PPP1R9A: variants seen among roughly 807,000 people sequenced by gnomAD.
PPP1R9A encodes protein phosphatase 1 regulatory subunit 9A.
A neutral mutation model predicts 141.9 loss-of-function variants in PPP1R9A; 59 were observed. The observed-to-expected ratio is 0.42, with a 90% CI of 0.34 to 0.52. The LOEUF (loss-of-function observed/expected upper bound fraction) is 0.52. Among genes scored for constraint, PPP1R9A ranks in the 20% least tolerant of loss-of-function variants. The probability of loss-of-function intolerance (pLI) is 0.10; values close to 1 mark genes in which losing one functional copy is unlikely to be tolerated. For synonymous variants in PPP1R9A, 500 were observed against 569.7 expected (o/e 0.88, Z 1.74); for missense variants, 1,444 against 1,611.9 (o/e 0.90, Z 1.78).
intron 2 of PPP1R9A, among the ~76,000 whole-genome samples, chr7:95,070,002 A>G (rs1813537191): frequency 6.6e-6 from 1 of 152,010 alleles, no homozygotes; most frequent in South Asian, 2.1e-4. Context: ...ATTCCCTTCT[A>G]TTTCTTATTG....
At chr7:94,999,695 G>C (rs1802619199) in intron 2 of PPP1R9A, among the ~76,000 whole-genome samples, 1 of 152,082 alleles carries the variant, frequency 6.6e-6, no homozygotes, top group African/African-American at 2.4e-5. Context: ...AGAAATTGTT[G>C]ATCGTGTGCA....
chr7:95,212,681 A>G (rs1316902013), intron 7 of PPP1R9A, among the ~76,000 whole-genome samples: 2 of 152,108 alleles, frequency 1.3e-5, no homozygotes, highest in East Asian at 1.9e-4. Context: ...TGGACAGTAG[A>G]ATTGCTCTAA....
rs553938412 is a variant in PPP1R9A at position 95,048,693 on chromosome 7, C to A, written c.1396-62566C>A. ...AAGTAGCTGGGATTACAGGTGCCTG[C>A]CACCACGCCGAGCTAATTTTTTGTA... On this transcript the variant is annotated intron_variant, in intron 2 of 19. Transcript: ENST00000433360. 6.6e-5 allele frequency among the ~76,000 whole-genome samples: 10 copies of A among 152,066 alleles called. No homozygotes were observed. In the South Asian group the frequency reaches 1.9e-3, roughly 29 times the overall value.
intron 2 of PPP1R9A, among the ~76,000 whole-genome samples, chr7:95,015,748 A>T (rs1805014179): frequency 6.6e-6 from 1 of 152,086 alleles, no homozygotes; most frequent in Non-Finnish European, 1.5e-5. Context: ...ACCAGTTAGG[A>T]TAAGTACAAA....
At position 94,934,742 on chromosome 7, in the gene PPP1R9A, C is replaced by T. The variant is rs139493807; in HGVS notation, c.1395+23234C>T. On this transcript the variant is annotated intron_variant, in intron 2 of 19. Coordinates refer to ENST00000433360, the MANE Select transcript of PPP1R9A (RefSeq NM_001166160.2). ...GTATACGTATATGTACACATATATA[C>T]GTCTATATACATATATATGTGTATA... is the stretch of plus-strand genomic sequence containing the variant. Among the ~76,000 whole-genome samples the T allele has an allele frequency of 7.9e-3, 1,194 of 151,350 alleles. 6 individuals carry two copies. The highest frequency in any genetic ancestry group is 0.014 in the Middle Eastern group (4 of 292).
intron 2 of PPP1R9A, among the ~76,000 whole-genome samples, chr7:95,106,528 A>G (rs773209689): frequency 3.3e-5 from 5 of 152,136 alleles, no homozygotes; most frequent in Admixed American, 2.0e-4. Flanking sequence ...ATTGAATTAC[A>G]TATTTGTATA....
At chr7:94,944,880 A>G (rs1795730609) in intron 2 of PPP1R9A, among the ~76,000 whole-genome samples, 2 of 152,062 alleles carry the variant, frequency 1.3e-5, no homozygotes, top group South Asian at 2.1e-4. Context: ...TTCTTAAACA[A>G]ATTTTGGATT....
chr7:95,011,855 CATT>C (rs1804464404), intron 2 of PPP1R9A, among the ~76,000 whole-genome samples: 1 of 152,126 alleles, frequency 6.6e-6, no homozygotes, highest in Non-Finnish European at 1.5e-5. Context: ...AGGAATTTAA[CATT>C]ATCACAGTGG....
At chr7:94,972,195 T>G (rs1055767005) in intron 2 of PPP1R9A, among the ~76,000 whole-genome samples, 3 of 152,236 alleles carry the variant, frequency 2.0e-5, no homozygotes, top group Non-Finnish European at 4.4e-5. Flanking sequence ...ACTGTACTTA[T>G]TACTGGTCTT....
intron 2 of PPP1R9A, among the ~76,000 whole-genome samples, chr7:94,944,226 A>G (rs922492225): frequency 1.3e-5 from 2 of 152,014 alleles, no homozygotes; most frequent in Non-Finnish European, 2.9e-5. Flanking sequence ...TAGTTTTCCA[A>G]GCTTATGTCT....
intron 2 of PPP1R9A, among the ~76,000 whole-genome samples, chr7:94,981,316 T>G (rs574898398): frequency 1.3e-5 from 2 of 152,296 alleles, no homozygotes; most frequent in South Asian, 2.1e-4. Context: ...CTCGGCTCAC[T>G]GCAACCTCTG....
At chr7:95,164,893 C>T (rs1052068329) in intron 5 of PPP1R9A, among the ~76,000 whole-genome samples, 1 of 151,808 alleles carries the variant, frequency 6.6e-6, no homozygotes, top group African/African-American at 2.4e-5. Flanking sequence ...ATATGGCATT[C>T]TAAAAGGAAC....
chr7:95,153,283 A>G (rs1204659419), intron 4 of PPP1R9A, among the ~76,000 whole-genome samples: 1 of 152,226 alleles, frequency 6.6e-6, no homozygotes, highest in Non-Finnish European at 1.5e-5. Context: ...TATGCTTGCT[A>G]TTCAAGATCT....
intron 2 of PPP1R9A, among the ~76,000 whole-genome samples, chr7:95,046,626 A>G (rs1474549640): frequency 1.3e-5 from 2 of 152,186 alleles, no homozygotes; most frequent in African/African-American, 4.8e-5. Context: ...AGAGGCCTGC[A>G]TGGGTAATAC....
chr7:95,071,081 A>G (rs896638261), intron 2 of PPP1R9A, among the ~76,000 whole-genome samples: 7 of 152,074 alleles, frequency 4.6e-5, no homozygotes, highest in Non-Finnish European at 1.0e-4. Flanking sequence ...AAAGATTGTC[A>G]CTTGATTCAC....
At chr7:94,931,324 A>G (rs1794131467) in intron 2 of PPP1R9A, among the ~76,000 whole-genome samples, 1 of 152,166 alleles carries the variant, frequency 6.6e-6, no homozygotes, top group African/African-American at 2.4e-5. Context: ...GACCCAGTTG[A>G]TTTCAAGTAA....
At chr7:95,213,505 G>C (rs1157254364) in intron 7 of PPP1R9A, among the ~76,000 whole-genome samples, 1 of 151,758 alleles carries the variant, frequency 6.6e-6, no homozygotes. Flanking sequence ...TTTTGTTTTA[G>C]TAGAAACAAG....
At chr7:94,909,070 G>A (rs1282572692) in intron 1 of PPP1R9A, among the ~76,000 whole-genome samples, 2 of 152,222 alleles carry the variant, frequency 1.3e-5, no homozygotes, top group African/African-American at 4.8e-5. Context: ...TGGGCTTAAA[G>A]AGACCAGCAA....
At chr7:95,019,632 A>T (rs1364232527) in intron 2 of PPP1R9A, among the ~76,000 whole-genome samples, 99 of 152,300 alleles carry the variant, frequency 6.5e-4, no homozygotes, top group Non-Finnish European at 5.9e-5. Flanking sequence ...TACATGAATA[A>T]TCGATAAACC....
Sources: gnomAD v4.1 joint callset for allele counts (sites outside exome capture counted in the v4.1 genomes callset) on GRCh38, gnomAD v4.1.1 for gene constraint, MANE v1.5 for transcripts, NCBI Gene and HGNC (gene_info 2026-07-23, HGNC 2026-07-21) for gene names.